Variants in SPAST observed in about 807,000 individuals in gnomAD.
SPAST encodes spastic paraplegia 4 (autosomal dominant; spastin).
A neutral mutation model predicts 76.6 loss-of-function variants in SPAST; 30 were observed. The observed-to-expected ratio is 0.39, with a 90% CI of 0.29 to 0.53. The LOEUF is 0.53. SPAST is among the 20% of genes least tolerant of loss of function. SPAST has a pLI of 0.68. For synonymous variants in SPAST, 305 were observed against 281.0 expected (o/e 1.09, Z -0.86); for missense variants, 717 against 770.5 (o/e 0.93, Z 0.82).
intron 4 of SPAST, among the ~76,000 whole-genome samples, chr2:32,103,197 G>A (rs1057031962): frequency 3.3e-5 from 5 of 152,160 alleles, no homozygotes; most frequent in Non-Finnish European, 5.9e-5. Context: ...AGCCTTGGGA[G>A]GCTGTATGTG....
Position 32,080,948 on chromosome 2 carries a change from C to T in SPAST, c.416-6544C>T, listed in dbSNP as rs184759619. On this transcript the variant is annotated intron_variant, in intron 1 of 16. Transcript: ENST00000315285. ...TAGCTAGGACTACAGGCACGTGCCA[C>T]CACATCTGGCTAATTTTTTTTTTTT... Among the ~76,000 whole-genome samples the T allele has an allele frequency of 1.5e-3, 222 of 151,588 alleles. 1 individual carries two copies. Among genetic ancestry groups the T allele is most frequent in the Non-Finnish European group, 2.7e-3 (181 of 67,854 alleles).
chr2:32,096,767 C>T (rs1405586799), intron 3 of SPAST, among the ~76,000 whole-genome samples: 1 of 151,808 alleles, frequency 6.6e-6, no homozygotes, highest in Non-Finnish European at 1.5e-5. Context: ...TCTACATTTA[C>T]AAATCAGTGT....
At chr2:32,102,452 AC>A (rs1361394049) in intron 4 of SPAST, among the ~76,000 whole-genome samples, 1 of 152,114 alleles carries the variant, frequency 6.6e-6, no homozygotes, top group African/African-American at 2.4e-5. Flanking sequence ...CTAATTGGAT[AC>A]CCTTTATTTC....
At chr2:32,125,827 C>A (rs569622446) in intron 7 of SPAST, among the ~76,000 whole-genome samples, 9 of 152,112 alleles carry the variant, frequency 5.9e-5, no homozygotes, top group Admixed American at 4.6e-4. Flanking sequence ...CGGAGTTTTG[C>A]TCTGTCGCCC....
At chr2:32,093,421 G>T (rs113957012) in intron 3 of SPAST, among the ~76,000 whole-genome samples, 1 of 152,012 alleles carries the variant, frequency 6.6e-6, no homozygotes, top group Non-Finnish European at 1.5e-5. Flanking sequence ...GGCAGAGGTT[G>T]CAGTAAGCAG....
intron 2 of SPAST, among the ~76,000 whole-genome samples, chr2:32,089,207 T>TA (rs1677613105): frequency 7.0e-6 from 1 of 142,160 alleles, no homozygotes. Flanking sequence ...TAATTTTTTT[T>TA]TTTTTTTTTT....
intron 1 of SPAST, chr2:32,078,047 G>GT (rs1221257739): frequency 6.6e-6 from 1 of 152,068 alleles, no homozygotes; most frequent in Admixed American, 6.5e-5. Context: ...CTGGAGTGCA[G>GT]TGGCGGGATC....
At chr2:32,115,577 T>C (rs1279477107) in intron 5 of SPAST, 125 bp from the exon 6 acceptor site, 1 of 685,110 alleles carries the variant, frequency 1.5e-6, no homozygotes, top group Admixed American at 2.9e-5. Context: ...ATATACAATT[T>C]ATGGATTTTT....
chr2:32,134,043 G>T (rs766472770), intron 9 of SPAST, among the ~76,000 whole-genome samples: 2 of 151,954 alleles, frequency 1.3e-5, no homozygotes, highest in Non-Finnish European at 2.9e-5. Context: ...TTTATTTATT[G>T]ATTTATTTTT....
In SPAST at chr2:32,155,996, C is replaced by T. The variant is rs1366305889; in HGVS notation, c.*1500C>T. 1 of 150,704 alleles carries T rather than the reference C, an allele frequency of 6.6e-6. No homozygotes were observed. Among genetic ancestry groups the T allele is most frequent in the Non-Finnish European group, 1.5e-5 (1 of 67,774 alleles). 9.3% of individuals were successfully genotyped at this position (150,704 alleles called of 1,614,324 possible). ...CATTCTTCTTAATTTTACTCTTGCT[C>T]TTGTTAAAGATTTGTTTGAATATAG... On this transcript the variant is annotated 3_prime_UTR_variant, in exon 17 of 17. Transcript: ENST00000315285.
At chr2:32,112,965 A>T (rs1221769108) in intron 4 of SPAST, among the ~76,000 whole-genome samples, 1 of 152,124 alleles carries the variant, frequency 6.6e-6, no homozygotes, top group Non-Finnish European at 1.5e-5. Flanking sequence ...AGATTTAAAC[A>T]TTTACAAACC....
chr2:32,065,048 C>G (rs1676454578), intron 1 of SPAST, among the ~76,000 whole-genome samples: 1 of 150,156 alleles, frequency 6.7e-6, no homozygotes, highest in Non-Finnish European at 1.5e-5. Context: ...GAGACGGAAT[C>G]TCGCCCTGTC....
intron 7 of SPAST, chr2:32,126,564 T>A (rs1233982547): frequency 6.5e-6 from 1 of 154,130 alleles, no homozygotes; most frequent in Non-Finnish European, 1.4e-5. Context: ...CACTGCACCC[T>A]TGGCCTCCCA....
intron 7 of SPAST, among the ~76,000 whole-genome samples, chr2:32,121,390 C>A (rs909481846): frequency 7.2e-5 from 11 of 151,956 alleles, no homozygotes; most frequent in African/African-American, 2.4e-4. Context: ...ATCCGCCCTC[C>A]TCAGCCTCCC....
At chr2:32,151,999 T>A (rs1680100821) in intron 16 of SPAST, among the ~76,000 whole-genome samples, 1 of 152,220 alleles carries the variant, frequency 6.6e-6, no homozygotes. Context: ...TTCTGTATTT[T>A]TAAGGTTAGT....
chr2:32,125,998 T>C (rs2148743851), intron 7 of SPAST, among the ~76,000 whole-genome samples: 1 of 152,188 alleles, frequency 6.6e-6, no homozygotes, highest in East Asian at 1.9e-4. Context: ...GGTTTCATCG[T>C]GTTAGCCAGG....
intron 4 of SPAST, among the ~76,000 whole-genome samples, chr2:32,104,347 C>T (rs1678237205): frequency 1.3e-5 from 2 of 152,078 alleles, no homozygotes. Flanking sequence ...ATGTGTGTCT[C>T]TGCACGTGAG....
intron 4 of SPAST, among the ~76,000 whole-genome samples, chr2:32,110,560 GTGTATATATAGTATATATATAGTGTA>G (rs1678525646): frequency 1.6e-5 from 1 of 64,126 alleles, no homozygotes; most frequent in Non-Finnish European, 3.0e-5. Context: ...ACTATATAGT[GTGTATATATAGTATATATATAGTGTA>G]TATATCGTAT....
rs540249161 is a variant in SPAST, at chr2:32,114,524, G to T, written c.683-114G>T. 43 of 808,488 alleles carry T rather than the reference G, an allele frequency of 5.3e-5. No homozygotes were observed. In the East Asian group the frequency reaches 1.2e-3, roughly 22 times the overall value. The allele number at this position is 808,488 out of a possible 1,614,324, so 50.1% of individuals were successfully genotyped here. A position where few individuals can be genotyped will look rare whatever the true frequency, so the allele number is the denominator to read the frequency against. ...CATGTTCTCATTGAAATCTTATTTT[G>T]AAATATTTTTGAATTAAAAAAATAT... On this transcript the variant is annotated intron_variant, in intron 4 of 16. Coordinates refer to ENST00000315285, the MANE Select transcript of SPAST (RefSeq NM_014946.4).
Sources: allele counts gnomAD v4.1 joint callset (sites outside exome capture counted in the v4.1 genomes callset), GRCh38; gene constraint gnomAD v4.1.1; transcripts MANE v1.5; gene names NCBI Gene and HGNC (gene_info 2026-07-23, HGNC 2026-07-21).